Variants in DNAH3 observed in about 807,000 individuals in gnomAD.
DNAH3 encodes the protein dynein axonemal heavy chain 3.
A neutral mutation model predicts 432.5 loss-of-function variants in DNAH3; 332 were observed. That is an observed-to-expected ratio of 0.77 (90% CI 0.70 to 0.84). DNAH3 has a LOEUF of 0.84. Ranked by LOEUF, DNAH3 falls within the 40% of genes least tolerant of loss-of-function variation. The probability of loss-of-function intolerance (pLI) is 0.00; values close to 1 mark genes in which losing one functional copy is unlikely to be tolerated. For synonymous variants in DNAH3, 1,956 were observed against 1,900.2 expected, an observed-to-expected ratio of 1.03 and a Z score of -0.76; for missense variants, 4,861 against 5,114.0, an observed-to-expected ratio of 0.95 and a Z score of 1.51.
chr16:20,988,120 G>C, intron 44 of DNAH3, 55 bp from the exon 45 acceptor site: 1 of 1,603,338 alleles, frequency 6.2e-7, no homozygotes, highest in Admixed American at 1.7e-5. Flanking sequence ...TTCTCACACT[G>C]TCTGTGACCC....
intron 20 of DNAH3, among the ~76,000 whole-genome samples, chr16:21,080,459 ATTC>A (rs1251684157): frequency 1.3e-5 from 2 of 152,198 alleles, no homozygotes; most frequent in African/African-American, 2.4e-5. Flanking sequence ...GGTATTTTGC[ATTC>A]TTTTTTCTTG....
intron 28 of DNAH3, 131 bp from the exon 29 acceptor site, chr16:21,051,999 A>AT (rs1001232572): frequency 2.5e-4 from 189 of 744,540 alleles, no homozygotes; most frequent in Non-Finnish European, 3.0e-4. Flanking sequence ...ATTTTATTTT[A>AT]TTTATTTTTT....
At chr16:20,948,736 T>G in intron 56 of DNAH3, 99 bp from the exon 57 acceptor site, 8 of 1,328,274 alleles carry the variant, frequency 6.0e-6, no homozygotes, top group Non-Finnish European at 7.4e-6. Context: ...CAAAGATCTC[T>G]GCTGGGACAT....
At chr16:21,058,405 A>G (rs907007437) in intron 26 of DNAH3, among the ~76,000 whole-genome samples, 1 of 152,192 alleles carries the variant, frequency 6.6e-6, no homozygotes, top group South Asian at 2.1e-4. Flanking sequence ...AACACCAATC[A>G]TCTCATCAAC....
exon 53 of DNAH3, chr16:20,963,288 C>T: frequency 6.2e-7 from 1 of 1,612,924 alleles, no homozygotes; most frequent in East Asian, 2.2e-5. Flanking sequence ...TCTTACCTGC[C>T]ATTGGGTCTG....
At chr16:21,140,445 G>A in intron 5 of DNAH3, 91 bp downstream of exon 6, 3 of 1,362,044 alleles carry the variant, frequency 2.2e-6, no homozygotes, top group Non-Finnish European at 3.1e-6. Context: ...CATTTCCCAG[G>A]TGATTCTGCT....
At chr16:21,007,409 C>T (rs569846361) in intron 41 of DNAH3, among the ~76,000 whole-genome samples, 17 of 151,456 alleles carry the variant, frequency 1.1e-4, no homozygotes, top group East Asian at 7.8e-4. Flanking sequence ...GATGGGGTTT[C>T]GCCATGTTGC....
intron 44 of DNAH3, among the ~76,000 whole-genome samples, chr16:20,991,182 T>C (rs545721775): frequency 2.6e-5 from 4 of 152,300 alleles, no homozygotes; most frequent in African/African-American, 7.2e-5. Context: ...TTGCATTTCT[T>C]TATGATTTTT....
At chr16:21,107,781 G>A (rs1299017513) in intron 14 of DNAH3, among the ~76,000 whole-genome samples, 3 of 151,928 alleles carry the variant, frequency 2.0e-5, no homozygotes, top group African/African-American at 4.8e-5. Flanking sequence ...TCCGCAATAC[G>A]TCCACTCCTA....
intron 20 of DNAH3, among the ~76,000 whole-genome samples, chr16:21,080,423 A>G (rs2091142738): frequency 6.6e-6 from 1 of 152,264 alleles, no homozygotes; most frequent in Non-Finnish European, 1.5e-5. Flanking sequence ...TATCATTTCA[A>G]TACTAATCAG....
At chr16:21,083,136 C>T (rs796228217) in intron 19 of DNAH3, among the ~76,000 whole-genome samples, 99 of 152,034 alleles carry the variant, frequency 6.5e-4, no homozygotes, top group Middle Eastern at 3.4e-3. Flanking sequence ...CTGCCTCAGC[C>T]TCCCAAGTAG....
At chr16:20,988,148 G>A in intron 44 of DNAH3, 83 bp from the exon 45 acceptor site, 1 of 1,562,200 alleles carries the variant, frequency 6.4e-7, no homozygotes, top group East Asian at 2.2e-5. Flanking sequence ...CACACGAGGT[G>A]GCTTTGCCTT....
intron 47 of DNAH3, among the ~76,000 whole-genome samples, chr16:20,986,152 G>A (rs538944552): frequency 1.7e-4 from 25 of 151,414 alleles, no homozygotes; most frequent in East Asian, 7.9e-4. Context: ...CACTGTGCCC[G>A]GCCCAGTCTT....
intron 43 of DNAH3, among the ~76,000 whole-genome samples, chr16:20,997,835 T>TAAAA (rs765854199): frequency 9.8e-4 from 73 of 74,538 alleles, no homozygotes; most frequent in Non-Finnish European, 1.6e-3. Context: ...CCTGTCTCCA[T>TAAAA]AAAAAAAAAA....
intron 44 of DNAH3, among the ~76,000 whole-genome samples, chr16:20,992,327 G>A (rs1313661791): frequency 6.6e-6 from 1 of 152,002 alleles, no homozygotes; most frequent in Non-Finnish European, 1.5e-5. Flanking sequence ...AGACTTTACA[G>A]GCTTATTTCA....
intron 16 of DNAH3, among the ~76,000 whole-genome samples, chr16:21,103,358 G>GA (rs374398904): frequency 1.3e-5 from 2 of 150,210 alleles, no homozygotes; most frequent in Admixed American, 6.6e-5. Context: ...TGTGTGTGGG[G>GA]GGGGGCAGGG....
chr16:20,987,270 T>C, intron 47 of DNAH3, 35 bp downstream of exon 47: 1 of 1,611,104 alleles, frequency 6.2e-7, no homozygotes, highest in Non-Finnish European at 8.5e-7. Flanking sequence ...CTTGGAACCA[T>C]TTCTGAGGTC....
At chr16:21,052,197 G>A (rs1234738492) in intron 28 of DNAH3, among the ~76,000 whole-genome samples, 1 of 152,016 alleles carries the variant, frequency 6.6e-6, no homozygotes, top group Non-Finnish European at 1.5e-5. Context: ...TCAACATGTT[G>A]GCCAGGCTGG....
chr16:20,978,819 A>G (rs555706562), intron 50 of DNAH3, among the ~76,000 whole-genome samples: 1 of 152,232 alleles, frequency 6.6e-6, no homozygotes, highest in South Asian at 2.1e-4. Context: ...TGCTGGGATT[A>G]CAGACGTGAG....
Sources: allele counts gnomAD v4.1 joint callset (sites outside exome capture counted in the v4.1 genomes callset), GRCh38; gene constraint gnomAD v4.1.1; transcripts MANE v1.5; gene names NCBI Gene and HGNC (gene_info 2026-07-23, HGNC 2026-07-21).